The following ANKRD13C variants were observed in gnomAD, a reference collection of about 807,000 sequenced individuals.
ANKRD13C encodes the protein ankyrin repeat domain-containing protein 13C.
Under a neutral mutation model 65.5 loss-of-function variants are expected in ANKRD13C, and 16 were observed. The ratio of observed to expected loss-of-function variants is 0.24; its 90% CI spans 0.17 to 0.37. The LOEUF (loss-of-function observed/expected upper bound fraction) is 0.37. ANKRD13C is among the 10% of genes least tolerant of loss of function. The pLI, the probability that ANKRD13C is intolerant of heterozygous loss-of-function variation, is 1.00. For missense variants in ANKRD13C, 503 were observed against 655.9 expected (o/e 0.77, Z 2.55); for synonymous variants, 235 against 238.7 (o/e 0.98, Z 0.14).
intron 9 of ANKRD13C, among the ~76,000 whole-genome samples, chr1:70,277,108 T>G (rs1186377953): frequency 1.3e-5 from 2 of 152,076 alleles, no homozygotes; most frequent in African/African-American, 2.4e-5. Context: ...TTCAATCATC[T>G]AAAATGTTCC....
At chr1:70,319,005 G>A (rs1681192337) in intron 3 of ANKRD13C, among the ~76,000 whole-genome samples, 1 of 151,940 alleles carries the variant, frequency 6.6e-6, no homozygotes, top group South Asian at 2.1e-4. Flanking sequence ...ATTACTTTCT[G>A]ATCTATCCCT....
intron 9 of ANKRD13C, among the ~76,000 whole-genome samples, chr1:70,277,420 G>A (rs1679188918): frequency 6.7e-6 from 1 of 148,242 alleles, no homozygotes; most frequent in South Asian, 2.1e-4. Flanking sequence ...TCGTGCCACT[G>A]CACTCCAGCC....
At chr1:70,282,288 C>T (rs1159381648) in intron 9 of ANKRD13C, among the ~76,000 whole-genome samples, 2 of 151,774 alleles carry the variant, frequency 1.3e-5, no homozygotes, top group Non-Finnish European at 2.9e-5. Context: ...ATCTCCTGAC[C>T]TCGTGATTTG....
chr1:70,286,954 C>T (rs2101214622), intron 9 of ANKRD13C, among the ~76,000 whole-genome samples: 1 of 152,086 alleles, frequency 6.6e-6, no homozygotes, highest in South Asian at 2.1e-4. Flanking sequence ...CACTGCACTC[C>T]AGCCTGGGGG....
rs72929272 is a variant in ANKRD13C, at chr1:70,304,695, G to A, written c.776+1529C>T. Among the ~76,000 whole-genome samples, 7 of 152,110 alleles carry A rather than the reference G, an allele frequency of 4.6e-5. No individual in the cohort carries two copies. The East Asian group carries it at 5.8e-4, about 13-fold the overall frequency. ...ATTACAGGCATGAGTCACCACACCCGGCCTAAAACTAACTTTTTAAACTAT... is the reference window on the plus strand; with the variant it reads ...ATTACAGGCATGAGTCACCACACCCAGCCTAAAACTAACTTTTTAAACTAT... On this transcript the variant is annotated intron_variant, in intron 6 of 12. Transcript: ENST00000370944.
intron 9 of ANKRD13C, among the ~76,000 whole-genome samples, chr1:70,290,779 ACCTCCTGGACTCAAGCAAT>A (rs1558275738): frequency 6.6e-6 from 1 of 151,554 alleles, no homozygotes; most frequent in Non-Finnish European, 1.5e-5. Flanking sequence ...GCTGGTTTCC[ACCTCCTGGACTCAAGCAAT>A]CCTCCCACCT....
chr1:70,337,899 A>G (rs1243600080), intron 1 of ANKRD13C, among the ~76,000 whole-genome samples: 1 of 152,206 alleles, frequency 6.6e-6, no homozygotes, highest in Non-Finnish European at 1.5e-5. Flanking sequence ...CGGGAGTTCA[A>G]GACCAGCCTG....
intron 2 of ANKRD13C, among the ~76,000 whole-genome samples, chr1:70,328,649 G>C (rs1350632025): frequency 2.6e-5 from 4 of 152,162 alleles, no homozygotes; most frequent in African/African-American, 7.2e-5. Context: ...GCAACAGAGA[G>C]AGACTGACTC....
At chr1:70,333,762 G>A (rs755238256) in intron 2 of ANKRD13C, among the ~76,000 whole-genome samples, 3 of 152,054 alleles carry the variant, frequency 2.0e-5, no homozygotes, top group Non-Finnish European at 4.4e-5. Context: ...GGAGAATACC[G>A]CAGATATAAA....
intron 10 of ANKRD13C, among the ~76,000 whole-genome samples, chr1:70,275,992 T>C (rs1000511250): frequency 1.0e-4 from 14 of 135,616 alleles, no homozygotes; most frequent in African/African-American, 3.7e-4. Flanking sequence ...ACTATAAAAA[T>C]ATTAAGATGG....
intron 6 of ANKRD13C, 62 bp downstream of exon 6, chr1:70,306,162 G>T: frequency 8.2e-7 from 1 of 1,219,798 alleles, no homozygotes; most frequent in Non-Finnish European, 1.1e-6. Context: ...TGATTACAGG[G>T]AAAAAAATCT....
At chr1:70,303,396 T>G (rs1680459062) in intron 6 of ANKRD13C, among the ~76,000 whole-genome samples, 1 of 152,154 alleles carries the variant, frequency 6.6e-6, no homozygotes, top group South Asian at 2.1e-4. Flanking sequence ...ATAGAAAGTA[T>G]TATTTTTAAG....
At chr1:70,265,847 A>AG (rs1553240879) in intron 12 of ANKRD13C, among the ~76,000 whole-genome samples, 54 of 144,920 alleles carry the variant, frequency 3.7e-4, no homozygotes, top group African/African-American at 1.3e-3. Flanking sequence ...AAAAAAAAAA[A>AG]AAAAGAAAAG....
rs1678715149 is a variant in ANKRD13C at position 70,268,170 on chromosome 1, T to TA, written c.1495+2685_1495+2686insT. On this transcript the variant is annotated intron_variant, in intron 12 of 12. Coordinates refer to ENST00000370944, the MANE Select transcript of ANKRD13C (RefSeq NM_030816.5). ...ATATGAAGTCACTCATACAGCTAGCTTCCCCGCCCCCACCTTGAGACAGAG... is the reference window on the plus strand; with the variant it reads ...ATATGAAGTCACTCATACAGCTAGCTATCCCCGCCCCCACCTTGAGACAGAG... Among the ~76,000 whole-genome samples the TA allele has an allele frequency of 2.7e-5, 4 of 150,266 alleles. No individual in the cohort carries two copies. The South Asian group carries it at 6.3e-4, about 24-fold the overall frequency.
At chr1:70,268,368 G>T (rs1368778857) in intron 12 of ANKRD13C, among the ~76,000 whole-genome samples, 10 of 152,062 alleles carry the variant, frequency 6.6e-5, no homozygotes, top group African/African-American at 2.4e-4. Flanking sequence ...CACCAAGTTG[G>T]CCAGGCTGGT....
At chr1:70,278,210 T>G (rs1572038634) in intron 9 of ANKRD13C, among the ~76,000 whole-genome samples, 1 of 133,386 alleles carries the variant, frequency 7.5e-6, no homozygotes, top group Non-Finnish European at 1.6e-5. Flanking sequence ...AAAAAAGAAC[T>G]GGCCAGGCGT....
At chr1:70,274,995 C>A (rs1206334287) in intron 10 of ANKRD13C, among the ~76,000 whole-genome samples, 177 bp from the exon 11 acceptor site, 1 of 151,608 alleles carries the variant, frequency 6.6e-6, no homozygotes, top group Non-Finnish European at 1.5e-5. Flanking sequence ...AAGACAAGGG[C>A]AATAAAAAAG....
chr1:70,315,348 T>C lies in ANKRD13C; in HGVS notation c.663+133A>G, dbSNP rs1572118438. The C allele has an allele frequency of 2.1e-5, 13 of 632,780 alleles. No individual in the cohort carries two copies. In the East Asian group the frequency reaches 3.4e-4, roughly 17 times the overall value. The allele number at this position is 632,780 out of a possible 1,614,324, so 39.2% of individuals were successfully genotyped here. On this transcript the variant is annotated intron_variant, in intron 4 of 12. Coordinates refer to ENST00000370944, the MANE Select transcript of ANKRD13C (RefSeq NM_030816.5). Reference sequence around the variant, plus strand: ...TCACATTCATACACTAATTATTGCTTAATTTAAGCATGATTTTTACCATTT... The same window carrying C: ...TCACATTCATACACTAATTATTGCTCAATTTAAGCATGATTTTTACCATTT...
intron 1 of ANKRD13C, among the ~76,000 whole-genome samples, chr1:70,352,595 CTA>C (rs1393402402): frequency 6.6e-6 from 1 of 152,128 alleles, no homozygotes; most frequent in African/African-American, 2.4e-5. Context: ...GGTAATGTAA[CTA>C]TGGCTACTAT....
Sources: allele counts gnomAD v4.1 joint callset (sites outside exome capture counted in the v4.1 genomes callset), GRCh38; gene constraint gnomAD v4.1.1; transcripts MANE v1.5; gene names NCBI Gene and HGNC (gene_info 2026-07-23, HGNC 2026-07-21).